Variants in CD200R1L observed in about 807,000 individuals in gnomAD.
CD200R1L encodes the protein cell surface glycoprotein CD200 receptor 2.
A neutral mutation model predicts 24.8 loss-of-function variants in CD200R1L; 14 were observed. The observed-to-expected ratio is 0.56, with a 90% CI of 0.37 to 0.88. The LOEUF (loss-of-function observed/expected upper bound fraction) is 0.88. Among genes scored for constraint, CD200R1L ranks in the 40% least tolerant of loss-of-function variants. The probability of loss-of-function intolerance (pLI) is 0.00; values close to 1 mark genes in which losing one functional copy is unlikely to be tolerated. For synonymous variants in CD200R1L, 111 were observed against 109.2 expected, an observed-to-expected ratio of 1.02 and a Z score of -0.11; for missense variants, 299 against 297.8, an observed-to-expected ratio of 1.00 and a Z score of -0.03.
chr3:112,841,735 C>G (rs1022763274), intron 2 of CD200R1L, among the ~76,000 whole-genome samples: 2 of 152,196 alleles, frequency 1.3e-5, no homozygotes, highest in African/African-American at 4.8e-5. Flanking sequence ...CATTTCTCCA[C>G]CTGGGTGTTT....
intron 7 of CD200R1L, among the ~76,000 whole-genome samples, chr3:112,816,403 A>G (rs927685537): frequency 6.6e-6 from 1 of 152,206 alleles, no homozygotes; most frequent in African/African-American, 2.4e-5. Flanking sequence ...GTAGAACAGA[A>G]CTTCTTGAGA....
At chr3:112,841,649 T>A (rs1007816658) in intron 2 of CD200R1L, among the ~76,000 whole-genome samples, 2 of 152,118 alleles carry the variant, frequency 1.3e-5, no homozygotes, top group Non-Finnish European at 2.9e-5. Context: ...GTGTATCTAA[T>A]CTACCCTTGT....
chr3:112,823,581 T>C (rs1281740556), intron 6 of CD200R1L, among the ~76,000 whole-genome samples: 1 of 152,154 alleles, frequency 6.6e-6, no homozygotes, highest in East Asian at 1.9e-4. Context: ...GTCAGAAGCA[T>C]TGTGAATGAA....
intron 2 of CD200R1L, among the ~76,000 whole-genome samples, chr3:112,840,195 G>A (rs1324612898): frequency 6.6e-6 from 1 of 152,180 alleles, no homozygotes; most frequent in Non-Finnish European, 1.5e-5. Context: ...CTCTGTGTGT[G>A]TTGGTCAGTT....
intron 2 of CD200R1L, among the ~76,000 whole-genome samples, chr3:112,838,485 C>CA (rs142677700): frequency 0.3 from 36,888 of 123,344 alleles, 5,123 homozygotes; most frequent in Admixed American, 0.36. Flanking sequence ...AACAAACAAA[C>CA]AAACAAAAAA....
chr3:112,826,298 T>C (rs904432454), intron 6 of CD200R1L, among the ~76,000 whole-genome samples: 3 of 152,144 alleles, frequency 2.0e-5, no homozygotes, highest in Non-Finnish European at 2.9e-5. Context: ...TACAATTATA[T>C]GTACAACATG....
intron 3 of CD200R1L, among the ~76,000 whole-genome samples, chr3:112,834,234 C>CTTTTTTT: frequency 1.1e-5 from 1 of 93,350 alleles, no homozygotes; most frequent in Non-Finnish European, 2.1e-5. Flanking sequence ...CACCATCATT[C>CTTTTTTT]TTTTTTTTTT....
chr3:112,833,686 C>T (rs144632213), intron 3 of CD200R1L, among the ~76,000 whole-genome samples: 1 of 152,296 alleles, frequency 6.6e-6, no homozygotes, highest in Admixed American at 6.5e-5. Flanking sequence ...TCCAGGCCCC[C>T]ACTTCATATA....
intron 3 of CD200R1L, among the ~76,000 whole-genome samples, chr3:112,835,981 G>A (rs879719857): frequency 6.6e-6 from 1 of 152,234 alleles, no homozygotes; most frequent in Non-Finnish European, 1.5e-5. Flanking sequence ...GCCGCAGTAG[G>A]CAAAGAGCAG....
intron 2 of CD200R1L, among the ~76,000 whole-genome samples, chr3:112,839,861 G>A (rs1207550058): frequency 3.3e-5 from 5 of 152,108 alleles, no homozygotes; most frequent in Admixed American, 3.3e-4. Context: ...TCTTCAACTA[G>A]TTGCCTTAAA....
intron 7 of CD200R1L, among the ~76,000 whole-genome samples, chr3:112,818,266 A>T (rs187645548): frequency 1.1e-4 from 16 of 152,346 alleles, no homozygotes; most frequent in African/African-American, 3.8e-4. Flanking sequence ...GCCCTAGAAG[A>T]TACAAGGATT....
chr3:112,819,740 G>A, intron 7 of CD200R1L, 32 bp downstream of exon 7: 2 of 1,543,270 alleles, frequency 1.3e-6, no homozygotes, highest in South Asian at 1.3e-5. Context: ...TTTTTCTACT[G>A]TGTCTTATGC....
chr3:112,840,615 T>C (rs920268666), intron 2 of CD200R1L, among the ~76,000 whole-genome samples: 2 of 152,194 alleles, frequency 1.3e-5, no homozygotes, highest in Non-Finnish European at 2.9e-5. Context: ...TGTATCACTA[T>C]TCATTTGTTT....
chr3:112,842,682 C>T (rs1030410486), intron 2 of CD200R1L, among the ~76,000 whole-genome samples: 5 of 151,956 alleles, frequency 3.3e-5, no homozygotes, highest in Non-Finnish European at 5.9e-5. Context: ...ATATTAATAC[C>T]CTGGGAAAGG....
chr3:112,836,167 C>T (rs1167446510), intron 3 of CD200R1L, among the ~76,000 whole-genome samples: 1 of 152,184 alleles, frequency 6.6e-6, no homozygotes, highest in Non-Finnish European at 1.5e-5. Context: ...CCTGGCCATG[C>T]GAGACTGGGG....
At chr3:112,819,633 A>G (rs1205298308) in intron 7 of CD200R1L, 139 bp downstream of exon 7, 1 of 822,920 alleles carries the variant, frequency 1.2e-6, no homozygotes, top group South Asian at 2.8e-5. Context: ...ATGCCTTCAC[A>G]TTAAAGAAGG....
chr3:112,822,135 G>C (rs1262433695), intron 6 of CD200R1L, among the ~76,000 whole-genome samples: 2 of 152,220 alleles, frequency 1.3e-5, no homozygotes, highest in Non-Finnish European at 2.9e-5. Flanking sequence ...ACTGTGCTGA[G>C]AGTCACAGAA....
intron 4 of CD200R1L, among the ~76,000 whole-genome samples, chr3:112,828,023 CA>C (rs2107339341): frequency 6.6e-6 from 1 of 152,208 alleles, no homozygotes; most frequent in African/African-American, 2.4e-5. Flanking sequence ...ATTTAAACAA[CA>C]AAGGCAATGT....
intron 2 of CD200R1L, among the ~76,000 whole-genome samples, chr3:112,845,331 G>A (rs938932775): frequency 9.9e-5 from 15 of 152,164 alleles, no homozygotes; most frequent in Non-Finnish European, 1.8e-4. Context: ...TCCCAAGATT[G>A]AATCAGGAGA....
Sources: allele counts gnomAD v4.1 joint callset (sites outside exome capture counted in the v4.1 genomes callset), GRCh38; gene constraint gnomAD v4.1.1; transcripts MANE v1.5; gene names NCBI Gene and HGNC (gene_info 2026-07-23, HGNC 2026-07-21).